Variants in LRRC3B observed in about 807,000 individuals in gnomAD.
The protein encoded by LRRC3B is leucine rich repeat containing 3B, also known as leucine-rich repeat-containing protein 3B.
Under a neutral mutation model 12.8 loss-of-function variants are expected in LRRC3B, and 2 were observed. The observed-to-expected ratio is 0.16, with a 90% CI of 0.06 to 0.49. The LOEUF (loss-of-function observed/expected upper bound fraction) is 0.49. LRRC3B is among the 20% of genes least tolerant of loss of function. The pLI is 0.96. For synonymous variants in LRRC3B, 132 were observed against 122.0 expected, an observed-to-expected ratio of 1.08 and a Z score of -0.54; for missense variants, 189 against 319.4, an observed-to-expected ratio of 0.59 and a Z score of 3.11.
intron 1 of LRRC3B, among the ~76,000 whole-genome samples, chr3:26,640,558 G>A (rs1699009192): frequency 6.6e-6 from 1 of 152,004 alleles, no homozygotes; most frequent in South Asian, 2.1e-4. Flanking sequence ...TCCAGTAACT[G>A]ACATTTAAAA....
intron 1 of LRRC3B, among the ~76,000 whole-genome samples, chr3:26,653,150 G>A (rs904373205): frequency 6.6e-6 from 1 of 151,552 alleles, no homozygotes; most frequent in Non-Finnish European, 1.5e-5. Context: ...TGCTAAAGAT[G>A]AGGAAACAAA....
intron 1 of LRRC3B, among the ~76,000 whole-genome samples, chr3:26,688,165 T>C (rs1387029750): frequency 2.0e-5 from 3 of 152,256 alleles, no homozygotes; most frequent in East Asian, 3.9e-4. Context: ...ATGAATTACG[T>C]TGAGTAAAAA....
chr3:26,678,673 A>C (rs1409315061), intron 1 of LRRC3B, among the ~76,000 whole-genome samples: 2 of 152,194 alleles, frequency 1.3e-5, no homozygotes, highest in Non-Finnish European at 2.9e-5. Context: ...GAAGGATTGG[A>C]AAAGCACCAC....
intron 1 of LRRC3B, among the ~76,000 whole-genome samples, chr3:26,653,789 A>G (rs1051646560): frequency 1.3e-5 from 2 of 152,192 alleles, no homozygotes; most frequent in Admixed American, 1.3e-4. Flanking sequence ...CTGAGAGCAG[A>G]CTGTACCCAT....
At chr3:26,650,056 A>T (rs1487657544) in intron 1 of LRRC3B, among the ~76,000 whole-genome samples, 1 of 152,058 alleles carries the variant, frequency 6.6e-6, no homozygotes, top group Non-Finnish European at 1.5e-5. Flanking sequence ...CTATTTCTTG[A>T]ATTTATTTGT....
At chr3:26,669,754 C>T (rs569015007) in intron 1 of LRRC3B, among the ~76,000 whole-genome samples, 8 of 152,212 alleles carry the variant, frequency 5.3e-5, no homozygotes, top group Non-Finnish European at 7.4e-5. Flanking sequence ...ATATGGTTGC[C>T]GGTGAAAGAT....
At position 26,633,548 on chromosome 3, in the gene LRRC3B, C is replaced by G. The variant is rs763993334; in HGVS notation, c.-161+10311C>G. 2.6e-5 allele frequency among the ~76,000 whole-genome samples: 4 copies of G among 152,164 alleles called. No homozygotes were observed. The East Asian group carries it at 7.7e-4, about 29-fold the overall frequency. On this transcript the variant is annotated intron_variant, in intron 1 of 1. Transcript: ENST00000396641. Reference sequence around the variant, plus strand: ...CAAGCATAAGAAAATGTTCAAGAACCCTGAACAAAGCCTGGTTATTCCAGG... The same window carrying G: ...CAAGCATAAGAAAATGTTCAAGAACGCTGAACAAAGCCTGGTTATTCCAGG...
chr3:26,704,797 T>C (rs776923136), intron 1 of LRRC3B, among the ~76,000 whole-genome samples: 4 of 152,240 alleles, frequency 2.6e-5, no homozygotes, highest in Admixed American at 6.5e-5. Flanking sequence ...TCTTTGACTT[T>C]GCTTATGACC....
At chr3:26,652,545 G>T (rs1048964424) in intron 1 of LRRC3B, among the ~76,000 whole-genome samples, 2 of 152,188 alleles carry the variant, frequency 1.3e-5, no homozygotes, top group Non-Finnish European at 2.9e-5. Flanking sequence ...CCAGTGGGGG[G>T]AAAATGTGTA....
intron 1 of LRRC3B, among the ~76,000 whole-genome samples, chr3:26,658,792 G>T (rs1699431163): frequency 1.3e-5 from 2 of 151,780 alleles, no homozygotes; most frequent in South Asian, 4.2e-4. Flanking sequence ...AATTTAGGCA[G>T]CTTCAAGTCT....
intron 1 of LRRC3B, among the ~76,000 whole-genome samples, chr3:26,648,212 A>G (rs1249580043): frequency 6.6e-6 from 1 of 152,182 alleles, no homozygotes; most frequent in African/African-American, 2.4e-5. Flanking sequence ...GTGGAGGGAA[A>G]GAAAGGGGAT....
intron 1 of LRRC3B, among the ~76,000 whole-genome samples, chr3:26,636,976 C>CTTTCTTTCTTTCTT (rs1559350481): frequency 8.9e-6 from 1 of 112,132 alleles, no homozygotes; most frequent in Admixed American, 9.1e-5. Flanking sequence ...CTTTCTTTCT[C>CTTTCTTTCTTTCTT]TCTCTCTCTT....
chr3:26,633,512 G>T (rs1370808361), intron 1 of LRRC3B, among the ~76,000 whole-genome samples: 1 of 152,102 alleles, frequency 6.6e-6, no homozygotes, highest in East Asian at 1.9e-4. Flanking sequence ...TATGAAAACA[G>T]GTTTGTAAAA....
intron 1 of LRRC3B, among the ~76,000 whole-genome samples, chr3:26,663,150 T>C (rs1301215004): frequency 6.6e-6 from 1 of 152,162 alleles, no homozygotes; most frequent in Non-Finnish European, 1.5e-5. Flanking sequence ...AGCATTTCCA[T>C]AGGTTTCTCC....
At chr3:26,689,043 G>A (rs1000064399) in intron 1 of LRRC3B, among the ~76,000 whole-genome samples, 1 of 152,124 alleles carries the variant, frequency 6.6e-6, no homozygotes, top group Non-Finnish European at 1.5e-5. Flanking sequence ...CTTTCCACAG[G>A]TGGAGAGACC....
At chr3:26,670,135 A>G (rs1699690117) in intron 1 of LRRC3B, among the ~76,000 whole-genome samples, 1 of 152,060 alleles carries the variant, frequency 6.6e-6, no homozygotes, top group Non-Finnish European at 1.5e-5. Context: ...GTGTGCTGTT[A>G]ATTAATCTAC....
At chr3:26,702,085 T>C (rs1400746775) in intron 1 of LRRC3B, among the ~76,000 whole-genome samples, 2 of 152,170 alleles carry the variant, frequency 1.3e-5, no homozygotes, top group Admixed American at 6.5e-5. Flanking sequence ...ATTCTTACCA[T>C]GGGCAATGTG....
chr3:26,710,463 G>A (rs1156765639), exon 2 of LRRC3B: 2 of 1,547,488 alleles, frequency 1.3e-6, no homozygotes, highest in East Asian at 2.3e-5. Context: ...TGTCCAAACT[G>A]ACTGTCATTG....
chr3:26,709,851 G>A lies in LRRC3B; in HGVS notation c.179G>A (p.Arg60Lys). Residue 60 changes from arginine to lysine, a missense_variant, in exon 2 of 2, where the codon AGA (arginine) becomes AAA (lysine). Physicochemically the swap from Arg to Lys is conservative, Grantham distance 26 (BLOSUM62 2). Transcript: ENST00000396641. ...AATGCAAATCTCAAGGAAATACCTA[G>A]AGATCTTCCTCCTGAAACAGTCTTA... 6.2e-7 allele frequency: 1 copy of A among 1,614,090 alleles called. No homozygotes were observed. Among genetic ancestry groups the A allele is most frequent in the Middle Eastern group, 1.6e-4 (1 of 6,062 alleles).
Sources: gnomAD v4.1 joint callset for allele counts (sites outside exome capture counted in the v4.1 genomes callset) on GRCh38, gnomAD v4.1.1 for gene constraint, MANE v1.5 for transcripts, NCBI Gene and HGNC (gene_info 2026-07-23, HGNC 2026-07-21) for gene names.